MIR2052HG: variants seen among roughly 807,000 people sequenced by gnomAD.
The protein encoded by MIR2052HG is MIR2052 host gene.
chr8:74,667,145 T>A (rs1808938140), intron 2 of MIR2052HG, among the ~76,000 whole-genome samples: 1 of 152,130 alleles, frequency 6.6e-6, no homozygotes, highest in African/African-American at 2.4e-5. Context: ...GTTTGTTGTC[T>A]CCTGGTCAAA....
At chr8:74,732,139 A>G (rs1327612743) in intron 4 of MIR2052HG, among the ~76,000 whole-genome samples, 2 of 152,158 alleles carry the variant, frequency 1.3e-5, no homozygotes, top group Non-Finnish European at 2.9e-5. Flanking sequence ...ATTAAAACCT[A>G]ATAAAGAAAA....
intron 2 of MIR2052HG, among the ~76,000 whole-genome samples, chr8:74,665,266 C>A (rs544779768): frequency 1.8e-4 from 28 of 152,294 alleles, no homozygotes; most frequent in Non-Finnish European, 3.1e-4. Flanking sequence ...CAGCAAACAG[C>A]AACAATATGA....
intron 2 of MIR2052HG, among the ~76,000 whole-genome samples, chr8:74,647,082 A>G (rs77728856): frequency 0.045 from 6,808 of 152,232 alleles, 230 homozygotes; most frequent in Non-Finnish European, 0.053. Context: ...AGTTCACCTA[A>G]CCTTATTCAC....
chr8:74,718,648 A>G (rs957176304), intron 4 of MIR2052HG, among the ~76,000 whole-genome samples: 2 of 152,232 alleles, frequency 1.3e-5, no homozygotes, highest in Non-Finnish European at 2.9e-5. Context: ...TTGGGCTGCT[A>G]TAACAAAGTA....
intron 2 of MIR2052HG, among the ~76,000 whole-genome samples, chr8:74,657,956 A>G (rs1329434603): frequency 6.6e-6 from 1 of 152,170 alleles, no homozygotes; most frequent in Non-Finnish European, 1.5e-5. Flanking sequence ...GAGAAACTCC[A>G]TGACCTATGA....
chr8:74,734,141 G>A (rs1236058573), intron 4 of MIR2052HG, among the ~76,000 whole-genome samples: 1 of 151,672 alleles, frequency 6.6e-6, no homozygotes, highest in African/African-American at 2.4e-5. Context: ...TTTACAAGGA[G>A]ACATTTAGTT....
chr8:74,654,943 C>T (rs1294885340), intron 2 of MIR2052HG, among the ~76,000 whole-genome samples: 1 of 152,082 alleles, frequency 6.6e-6, no homozygotes, highest in Non-Finnish European at 1.5e-5. Context: ...AAATAAGGCC[C>T]AGGCTGAGAA....
chr8:74,707,202 G>T (rs906949574), intron 4 of MIR2052HG, among the ~76,000 whole-genome samples: 2 of 152,032 alleles, frequency 1.3e-5, no homozygotes, highest in Non-Finnish European at 2.9e-5. Context: ...AATATGTGAG[G>T]CACTGCTGGG....
chr8:74,746,505 A>C (rs1809886868), intron 4 of MIR2052HG, among the ~76,000 whole-genome samples: 1 of 151,992 alleles, frequency 6.6e-6, no homozygotes, highest in Non-Finnish European at 1.5e-5. Context: ...TAAGAAAGGG[A>C]GAATTAAAGT....
chr8:74,699,385 A>G (rs1809334158), intron 2 of MIR2052HG, among the ~76,000 whole-genome samples: 2 of 147,310 alleles, frequency 1.4e-5, no homozygotes, highest in South Asian at 4.3e-4. Context: ...TGGATAAAGA[A>G]AATGTAGTAT....
intron 2 of MIR2052HG, among the ~76,000 whole-genome samples, chr8:74,667,994 T>C (rs937833465): frequency 1.3e-5 from 2 of 151,416 alleles, no homozygotes; most frequent in Admixed American, 1.3e-4. Flanking sequence ...AAAAATGAGA[T>C]TGTAGGCATG....
chr8:74,626,012 G>A (rs933688599), intron 2 of MIR2052HG, among the ~76,000 whole-genome samples: 1 of 152,098 alleles, frequency 6.6e-6, no homozygotes, highest in Non-Finnish European at 1.5e-5. Flanking sequence ...AAGCCCCAAA[G>A]AGGCTCCTTT....
intron 2 of MIR2052HG, among the ~76,000 whole-genome samples, chr8:74,697,803 T>C (rs1439383845): frequency 6.6e-6 from 1 of 150,734 alleles, no homozygotes; most frequent in Non-Finnish European, 1.5e-5. Flanking sequence ...ATCAAGGAGG[T>C]GAAAGACCTC....
chr8:74,694,460 A>G lies in MIR2052HG; in HGVS notation n.217-7919A>G, dbSNP rs542722073. On this transcript the variant is annotated intron_variant and non_coding_transcript_variant, in intron 2 of 6. Transcript: ENST00000523442. ...ATACGACGAAACTAGGTTCTTTAAC[A>G]TCCCTGAAAGACCACATAGCTCACC... is the stretch of plus-strand genomic sequence containing the variant. 1.9e-3 allele frequency among the ~76,000 whole-genome samples: 296 copies of G among 152,320 alleles called. No homozygotes were observed. The Middle Eastern group carries it at 0.02, about 11-fold the overall frequency.
intron 1 of MIR2052HG, among the ~76,000 whole-genome samples, chr8:74,607,104 C>T (rs1808122806): frequency 6.6e-6 from 1 of 150,656 alleles, no homozygotes; most frequent in Admixed American, 6.6e-5. Flanking sequence ...TATAATGACC[C>T]ACACAGAGTA....
chr8:74,611,549 T>TA (rs1245988325), intron 1 of MIR2052HG, among the ~76,000 whole-genome samples: 1 of 152,190 alleles, frequency 6.6e-6, no homozygotes, highest in Non-Finnish European at 1.5e-5. Flanking sequence ...TGCTGTAATG[T>TA]AAAAAACACA....
intron 3 of MIR2052HG, among the ~76,000 whole-genome samples, chr8:74,702,805 G>A (rs1809371062): frequency 6.6e-6 from 1 of 152,064 alleles, no homozygotes; most frequent in Admixed American, 6.6e-5. Flanking sequence ...CCATGCTAAA[G>A]TTTAGATGCC....
chr8:74,738,190 G>T (rs933209330), intron 4 of MIR2052HG, among the ~76,000 whole-genome samples: 6 of 150,086 alleles, frequency 4.0e-5, no homozygotes, highest in East Asian at 2.0e-4. Flanking sequence ...TAGTTTTCTG[G>T]CACTTGACAT....
chr8:74,673,794 G>A (rs1188211893), intron 2 of MIR2052HG, among the ~76,000 whole-genome samples: 1 of 150,934 alleles, frequency 6.6e-6, no homozygotes, highest in Non-Finnish European at 1.5e-5. Flanking sequence ...CTTCTACAGT[G>A]TCTGATAGGG....
Sources: gnomAD v4.1 joint callset for allele counts (sites outside exome capture counted in the v4.1 genomes callset) on GRCh38, gnomAD v4.1.1 for gene constraint, MANE v1.5 for transcripts, NCBI Gene and HGNC (gene_info 2026-07-23, HGNC 2026-07-21) for gene names.